WWC1: variants seen among roughly 807,000 people sequenced by gnomAD.
WWC1 encodes the protein WW and C2 domain containing 1.
Under a neutral mutation model 138.4 loss-of-function variants are expected in WWC1, and 55 were observed. The observed-to-expected ratio is 0.40, with a 90% CI of 0.32 to 0.50. The LOEUF is 0.50. WWC1 is among the 20% of genes least tolerant of loss of function. The pLI is 0.72. For missense variants in WWC1, 1,226 were observed against 1,420.4 expected, an observed-to-expected ratio of 0.86 and a Z score of 2.20; for synonymous variants, 524 against 564.9, an observed-to-expected ratio of 0.93 and a Z score of 1.03.
At chr5:168,442,527 C>T (rs1339732694) in intron 16 of WWC1, among the ~76,000 whole-genome samples, 3 of 150,686 alleles carry the variant, frequency 2.0e-5, no homozygotes, top group Non-Finnish European at 4.4e-5. Context: ...GTAACTGTTC[C>T]ATTGTGACTT....
intron 16 of WWC1, among the ~76,000 whole-genome samples, chr5:168,442,668 C>T (rs569249542): frequency 3.6e-4 from 54 of 151,512 alleles, no homozygotes; most frequent in African/African-American, 1.3e-3. Context: ...GAAACCCTGT[C>T]TCTACTAAAA....
intron 8 of WWC1, among the ~76,000 whole-genome samples, chr5:168,413,380 A>G (rs140285435): frequency 2.6e-4 from 40 of 152,324 alleles, no homozygotes; most frequent in African/African-American, 9.1e-4. Flanking sequence ...TGGCCCAATG[A>G]TAATAATACT....
intron 2 of WWC1, among the ~76,000 whole-genome samples, chr5:168,377,853 AC>A (rs1229975001): frequency 6.6e-6 from 1 of 152,240 alleles, no homozygotes; most frequent in Non-Finnish European, 1.5e-5. Flanking sequence ...TAGTTCAGCC[AC>A]TGTGGAAAGC....
chr5:168,428,457 A>G (rs1300047418), intron 12 of WWC1, among the ~76,000 whole-genome samples: 2 of 152,086 alleles, frequency 1.3e-5, no homozygotes, highest in Non-Finnish European at 2.9e-5. Flanking sequence ...TAGTGGTGTG[A>G]GTCTGTAATC....
chr5:168,464,669 G>A, intron 20 of WWC1, 60 bp from the exon 21 acceptor site: 1 of 1,602,488 alleles, frequency 6.2e-7, no homozygotes, highest in South Asian at 1.1e-5. Flanking sequence ...AGAGGAAGAG[G>A]CTGGGTGGGC....
intron 1 of WWC1, among the ~76,000 whole-genome samples, chr5:168,311,918 G>A (rs974752750): frequency 2.0e-5 from 3 of 150,768 alleles, no homozygotes; most frequent in Admixed American, 6.6e-5. Context: ...GCATGGTGGC[G>A]CACACCTGTA....
intron 17 of WWC1, among the ~76,000 whole-genome samples, chr5:168,452,897 C>G (rs1329966188): frequency 6.6e-6 from 1 of 152,078 alleles, no homozygotes; most frequent in African/African-American, 2.4e-5. Flanking sequence ...AAACATGTTG[C>G]AATATAGCCA....
intron 10 of WWC1, 104 bp from the exon 11 acceptor site, chr5:168,423,429 G>A (rs1370011289): frequency 7.6e-7 from 1 of 1,317,400 alleles, no homozygotes; most frequent in African/African-American, 1.5e-5. Flanking sequence ...AGATTGCCAA[G>A]CAAGTCTAGT....
chr5:168,469,151 C>A lies in WWC1; in HGVS notation c.*134C>A. ...GTGCTCTTGTTGGTTTGAAGATGAA[C>A]CGACTTTTTAGTTTGGGTCCTACTG... is the stretch of plus-strand genomic sequence containing the variant. On this transcript the variant is annotated 3_prime_UTR_variant, in exon 23 of 23. Transcript: ENST00000265293. 9.6e-7 allele frequency: 1 copy of A among 1,040,012 alleles called. No individual in the cohort carries two copies. Among genetic ancestry groups the A allele is most frequent in the Non-Finnish European group, 1.4e-6 (1 of 705,502 alleles). 64.4% of individuals were successfully genotyped at this position (1,040,012 alleles called of 1,614,324 possible).
At chr5:168,389,176 T>C (rs1778273501) in intron 3 of WWC1, among the ~76,000 whole-genome samples, 1 of 152,052 alleles carries the variant, frequency 6.6e-6, no homozygotes, top group South Asian at 2.1e-4. Context: ...AGGCCAGGTG[T>C]GGTGACTCAC....
At chr5:168,314,248 A>T (rs1771373594) in intron 1 of WWC1, among the ~76,000 whole-genome samples, 1 of 152,198 alleles carries the variant, frequency 6.6e-6, no homozygotes, top group Admixed American at 6.5e-5. Context: ...CTGGCAAAGT[A>T]AGTCACAGGC....
At chr5:168,355,663 G>T (rs1432892378) in intron 1 of WWC1, among the ~76,000 whole-genome samples, 1 of 152,162 alleles carries the variant, frequency 6.6e-6, no homozygotes, top group African/African-American at 2.4e-5. Context: ...ATTGAGAAAG[G>T]TGAAGCTGGA....
At chr5:168,407,758 G>T (rs550835545) in intron 6 of WWC1, among the ~76,000 whole-genome samples, 1 of 152,210 alleles carries the variant, frequency 6.6e-6, no homozygotes, top group South Asian at 2.1e-4. Flanking sequence ...TAAGACTCTG[G>T]TAAAGCTGAC....
chr5:168,441,761 A>G lies in WWC1; in HGVS notation c.2360A>G (p.Lys787Arg). ...STRWYNLLSY[K>R]YLKKQSRELK... ...CGCTGGTACAACCTTCTCAGCTACA[A>G]ATACTTGAAGAAACAGAGCAGGGAG... is the stretch of plus-strand genomic sequence containing the variant. The change falls in exon 16 of 23, where the codon AAA becomes AGA. Residue 787 changes from lysine to arginine, a missense_variant. Around this residue, in one of 3 missense-constraint regions of WWC1, gnomAD observed 1,016 missense variants for 1,153.9 expected, o/e 0.88. Coordinates refer to ENST00000265293, the MANE Select transcript of WWC1 (RefSeq NM_015238.3). The G allele has an allele frequency of 6.2e-7, 1 of 1,614,130 alleles. No individual in the cohort carries two copies.
At chr5:168,353,305 T>G (rs1268077111) in intron 1 of WWC1, among the ~76,000 whole-genome samples, 1 of 152,240 alleles carries the variant, frequency 6.6e-6, no homozygotes, top group Non-Finnish European at 1.5e-5. Flanking sequence ...TGACCTGGCC[T>G]GGCTCTTCCT....
Position 168,292,610 on chromosome 5 carries a change from G to A in WWC1, c.119+339G>A, listed in dbSNP as rs1029287094. Among the ~76,000 whole-genome samples, 3 of 152,252 alleles carry A rather than the reference G, an allele frequency of 2.0e-5. No homozygotes were observed. Among genetic ancestry groups the A allele is most frequent in the Middle Eastern group, 6.8e-3 (2 of 294 alleles). On this transcript the variant is annotated intron_variant, in intron 1 of 22. Coordinates refer to ENST00000265293, the MANE Select transcript of WWC1 (RefSeq NM_015238.3). The surrounding 1 kb of genome is among the most constrained non-coding windows in gnomAD (Gnocchi z 4.4). ...GGAAGAGAGGTCGGGCGGGGGCGGG[G>A]GTTGGGGGAGCGACCTAGCCGGGTG...
intron 1 of WWC1, among the ~76,000 whole-genome samples, chr5:168,354,604 C>T (rs1021196302): frequency 3.3e-5 from 5 of 152,160 alleles, no homozygotes; most frequent in Non-Finnish European, 5.9e-5. Flanking sequence ...TTTATAAGAC[C>T]TTTGAATGTT....
At position 168,463,941 on chromosome 5, in the gene WWC1, G is replaced by T. The variant is rs181908133; in HGVS notation, c.2917-788G>T. 3.4e-3 allele frequency among the ~76,000 whole-genome samples: 522 copies of T among 152,274 alleles called. 3 individuals are homozygous for T. Among genetic ancestry groups the T allele is most frequent in the African/African-American group, 0.012 (507 of 41,560 alleles). The stretch of plus-strand genomic sequence containing the variant: ...ATCTTGAAGGCTTAGCAACCTCTGT[G>T]TAAAGACATTGTCTCTTTTCCAAGT... On this transcript the variant is annotated intron_variant, in intron 20 of 22. Coordinates refer to ENST00000265293, the MANE Select transcript of WWC1 (RefSeq NM_015238.3).
chr5:168,463,366 G>A (rs1053351253), intron 20 of WWC1, among the ~76,000 whole-genome samples: 2 of 152,158 alleles, frequency 1.3e-5, no homozygotes, highest in Non-Finnish European at 2.9e-5. Context: ...GCTGTCAGCT[G>A]GGGGTTTAGG....
Sources: gnomAD v4.1 joint callset for allele counts (sites outside exome capture counted in the v4.1 genomes callset) on GRCh38, gnomAD v4.1.1 for gene constraint, gnomAD v4.1.1 regional missense constraint, Gnocchi (gnomAD v3.1) non-coding constraint, MANE v1.5 for transcripts, NCBI Gene and HGNC (gene_info 2026-07-23, HGNC 2026-07-21) for gene names.